The following PTPN13 variants were observed in gnomAD, a reference collection of about 807,000 sequenced individuals.
PTPN13 encodes the protein protein tyrosine phosphatase non-receptor type 13, also known as tyrosine-protein phosphatase non-receptor type 13.
PTPN13 carries 191 observed loss-of-function variants against 284.0 expected under a neutral mutation model. That is an observed-to-expected ratio of 0.67 (90% CI 0.60 to 0.76). The LOEUF (loss-of-function observed/expected upper bound fraction) is 0.76. PTPN13 is among the 30% of genes least tolerant of loss of function. The probability of loss-of-function intolerance (pLI) is 0.00; values close to 1 mark genes in which losing one functional copy is unlikely to be tolerated. For missense variants in PTPN13, 2,797 were observed against 2,939.9 expected (o/e 0.95, Z 1.12); for synonymous variants, 986 against 1,022.3 (o/e 0.96, Z 0.68).
intron 1 of PTPN13, among the ~76,000 whole-genome samples, chr4:86,614,034 T>C (rs1430357334): frequency 6.6e-6 from 1 of 152,178 alleles, no homozygotes; most frequent in Non-Finnish European, 1.5e-5. Context: ...AATCCTATTG[T>C]TTTTAAGGGT....
At chr4:86,738,679 T>G (rs1735802674) in intron 15 of PTPN13, among the ~76,000 whole-genome samples, 1 of 152,208 alleles carries the variant, frequency 6.6e-6, no homozygotes, top group Admixed American at 6.5e-5. Flanking sequence ...GCCTTACATT[T>G]TCTTAACATT....
intron 2 of PTPN13, among the ~76,000 whole-genome samples, chr4:86,637,370 CA>C (rs1184850654): frequency 6.6e-6 from 1 of 151,964 alleles, no homozygotes; most frequent in Non-Finnish European, 1.5e-5. Flanking sequence ...GGAAGAGACA[CA>C]ACCAAAAAAG....
chr4:86,754,244 T>G (rs1405488596), intron 20 of PTPN13, among the ~76,000 whole-genome samples: 1 of 152,008 alleles, frequency 6.6e-6, no homozygotes, highest in Non-Finnish European at 1.5e-5. Context: ...AAGAAAAAAT[T>G]ATTGAACTTA....
intron 2 of PTPN13, among the ~76,000 whole-genome samples, chr4:86,648,725 T>C (rs142186752): frequency 5.9e-5 from 9 of 152,298 alleles, no homozygotes; most frequent in African/African-American, 2.2e-4. Context: ...ACTGATTTCC[T>C]TTGTTTTGGA....
At chr4:86,617,189 A>C (rs1339757349) in intron 1 of PTPN13, among the ~76,000 whole-genome samples, 1 of 152,150 alleles carries the variant, frequency 6.6e-6, no homozygotes, top group African/African-American at 2.4e-5. Context: ...TTTACTATCT[A>C]ATGTGGTAGC....
At chr4:86,632,788 A>G (rs1722604575) in intron 1 of PTPN13, among the ~76,000 whole-genome samples, 1 of 151,440 alleles carries the variant, frequency 6.6e-6, no homozygotes, top group African/African-American at 2.4e-5. Context: ...CTTCACATAC[A>G]ATAAAACTTA....
At chr4:86,649,954 G>A (rs182639809) in intron 2 of PTPN13, among the ~76,000 whole-genome samples, 2 of 152,118 alleles carry the variant, frequency 1.3e-5, no homozygotes, top group East Asian at 3.9e-4. Context: ...TTCCATTTTT[G>A]TGTGTCCTCT....
chr4:86,722,574 G>A, intron 10 of PTPN13, 140 bp downstream of exon 10: 3 of 621,932 alleles, frequency 4.8e-6, no homozygotes, highest in Non-Finnish European at 8.6e-6. Flanking sequence ...CATTTCCACT[G>A]GGATTAAATA....
At chr4:86,706,590 ATGAC>A (rs1324291813) in intron 7 of PTPN13, among the ~76,000 whole-genome samples, 3 of 152,176 alleles carry the variant, frequency 2.0e-5, no homozygotes, top group African/African-American at 7.2e-5. Flanking sequence ...AGCTAATCCT[ATGAC>A]TGACCAGATA....
intron 2 of PTPN13, among the ~76,000 whole-genome samples, chr4:86,646,290 ATTTTTT>A: frequency 7.5e-6 from 1 of 132,858 alleles, no homozygotes; most frequent in African/African-American, 2.8e-5. Context: ...AATATTTGCA[ATTTTTT>A]TTTTTTTTTT....
At chr4:86,598,297 A>G (rs1040596211) in intron 1 of PTPN13, among the ~76,000 whole-genome samples, 19 of 151,970 alleles carry the variant, frequency 1.3e-4, no homozygotes, top group African/African-American at 3.4e-4. Context: ...GGCGTGTGCT[A>G]CCACACCTGG....
At chr4:86,794,898 C>A (rs1202491887) in intron 40 of PTPN13, among the ~76,000 whole-genome samples, 1 of 152,148 alleles carries the variant, frequency 6.6e-6, no homozygotes, top group Non-Finnish European at 1.5e-5. Flanking sequence ...AAAATTAACT[C>A]AAGATGGATT....
chr4:86,731,337 C>T (rs1565436019), intron 10 of PTPN13, among the ~76,000 whole-genome samples: 1 of 152,170 alleles, frequency 6.6e-6, no homozygotes. Context: ...CTAGTTCTCC[C>T]TCTTAGCCAA....
At chr4:86,780,227 C>T (rs1480003642) in intron 35 of PTPN13, among the ~76,000 whole-genome samples, 175 bp from the exon 36 acceptor site, 1 of 152,022 alleles carries the variant, frequency 6.6e-6, no homozygotes, top group Non-Finnish European at 1.5e-5. Context: ...GAAAAAACCC[C>T]ATCTCTACAA....
chr4:86,668,058 A>G (rs941645035), intron 2 of PTPN13, among the ~76,000 whole-genome samples: 1 of 152,200 alleles, frequency 6.6e-6, no homozygotes, highest in Non-Finnish European at 1.5e-5. Flanking sequence ...ATTTCTGCTT[A>G]TCCTTAACCT....
At chr4:86,745,320 TC>T (rs1736618762) in intron 17 of PTPN13, among the ~76,000 whole-genome samples, 192 bp downstream of exon 17, 1 of 152,190 alleles carries the variant, frequency 6.6e-6, no homozygotes, top group African/African-American at 2.4e-5. Context: ...GAGAGAATAC[TC>T]CTAGGGAGTA....
intron 6 of PTPN13, among the ~76,000 whole-genome samples, chr4:86,695,475 A>T (rs1056165049): frequency 6.6e-6 from 1 of 152,022 alleles, no homozygotes; most frequent in African/African-American, 2.4e-5. Flanking sequence ...TTAATTGATC[A>T]AATTTGCAGT....
Position 86,716,633 on chromosome 4 carries a change from G to C in PTPN13, c.1291+8G>C, listed in dbSNP as rs1369070983. 1 of 1,528,518 alleles carries C rather than the reference G, an allele frequency of 6.5e-7. No homozygotes were observed. The highest frequency in any genetic ancestry group is 2.3e-5 in the East Asian group (1 of 43,766). 94.7% of individuals were successfully genotyped at this position (1,528,518 alleles called of 1,614,324 possible). ...AATCAGATTTCAGACAAGGTAGGAG[G>C]CATCTGAAACAAGCAAACTGTTTTT... is the stretch of plus-strand genomic sequence containing the variant. On this transcript the variant is annotated splice_region_variant and intron_variant, in intron 8 of 47. Coordinates refer to ENST00000411767, the MANE Select transcript of PTPN13 (RefSeq NM_080683.3).
At chr4:86,710,230 A>G (rs1732238024) in intron 7 of PTPN13, among the ~76,000 whole-genome samples, 1 of 152,208 alleles carries the variant, frequency 6.6e-6, no homozygotes, top group South Asian at 2.1e-4. Context: ...AAAATGTTTT[A>G]TACTTCTGCA....
Sources: gnomAD v4.1 joint callset for allele counts (sites outside exome capture counted in the v4.1 genomes callset) on GRCh38, gnomAD v4.1.1 for gene constraint, MANE v1.5 for transcripts, NCBI Gene and HGNC (gene_info 2026-07-23, HGNC 2026-07-21) for gene names.